The following ADGRD1 variants were observed in gnomAD, a reference collection of about 807,000 sequenced individuals.
ADGRD1 encodes G-protein coupled receptor 133.
In ADGRD1, 77 loss-of-function variants were observed where a neutral mutation model predicts 113.4. The ratio of observed to expected loss-of-function variants is 0.68; its 90% confidence interval spans 0.57 to 0.82. The LOEUF (loss-of-function observed/expected upper bound fraction) is 0.82. Ranked by LOEUF, ADGRD1 falls within the 40% of genes least tolerant of loss-of-function variation. The pLI, the probability that ADGRD1 is intolerant of heterozygous loss-of-function variation, is 0.00. For synonymous variants in ADGRD1, 474 were observed against 475.0 expected (o/e 1.00, Z 0.03); for missense variants, 1,036 against 1,139.1 (o/e 0.91, Z 1.30).
intron 15 of ADGRD1, among the ~76,000 whole-genome samples, chr12:131,098,325 G>A (rs965553014): frequency 3.9e-5 from 6 of 152,136 alleles, no homozygotes; most frequent in Non-Finnish European, 5.9e-5. Context: ...TCAGAGGCAC[G>A]GGCTGGGGCT....
chr12:131,098,709 C>A (rs73149906), intron 15 of ADGRD1, among the ~76,000 whole-genome samples: 1 of 152,208 alleles, frequency 6.6e-6, no homozygotes, highest in East Asian at 1.9e-4. Flanking sequence ...CCTCCGCCAC[C>A]GCCCCTGTGT....
At chr12:131,024,666 T>G (rs1879740630) in intron 13 of ADGRD1, 1 of 152,276 alleles carries the variant, frequency 6.6e-6, no homozygotes. Flanking sequence ...TGTGGTGGAC[T>G]GCGTCGTCTA....
intron 6 of ADGRD1, 103 bp from the exon 7 acceptor site, chr12:130,990,910 CT>C: frequency 1.2e-6 from 1 of 818,556 alleles, no homozygotes; most frequent in Non-Finnish European, 2.0e-6. Flanking sequence ...CTCAGACTCT[CT>C]TCCATGTGTC....
chr12:130,969,579 C>T (rs921844120), intron 3 of ADGRD1: 12 of 154,394 alleles, frequency 7.8e-5, no homozygotes, highest in African/African-American at 1.7e-4. Flanking sequence ...CAGAGGGGAC[C>T]GTCTAGTTGC....
chr12:131,026,496 G>A (rs1398401321), intron 13 of ADGRD1: 1 of 152,240 alleles, frequency 6.6e-6, no homozygotes, highest in Non-Finnish European at 1.5e-5. Flanking sequence ...TGACCGTGTG[G>A]AGCTCCAGCG....
chr12:131,063,526 T>C (rs1884500797), intron 13 of ADGRD1, among the ~76,000 whole-genome samples: 1 of 152,214 alleles, frequency 6.6e-6, no homozygotes, highest in South Asian at 2.1e-4. Flanking sequence ...AAAAAAACTC[T>C]CCTTCCTTCA....
chr12:131,103,488 A>G (rs1023187384), intron 15 of ADGRD1, among the ~76,000 whole-genome samples: 15 of 152,244 alleles, frequency 9.9e-5, no homozygotes, highest in African/African-American at 3.4e-4. Context: ...CTCCGCTGTG[A>G]ATCACAGTTG....
intron 13 of ADGRD1, among the ~76,000 whole-genome samples, chr12:131,073,791 G>A (rs1483306573): frequency 5.3e-5 from 8 of 152,174 alleles, no homozygotes; most frequent in South Asian, 2.1e-4. Flanking sequence ...GACTGCAAGA[G>A]CGAGTCGAGC....
intron 13 of ADGRD1, among the ~76,000 whole-genome samples, chr12:131,036,291 A>AGTGAGT (rs1881370167): frequency 6.7e-6 from 1 of 149,416 alleles, no homozygotes; most frequent in Non-Finnish European, 1.5e-5. Flanking sequence ...CACTCACTGC[A>AGTGAGT]CTGGGCCTCA....
chr12:131,024,286 C>G (rs1391567216), intron 13 of ADGRD1: 1 of 152,304 alleles, frequency 6.6e-6, no homozygotes, highest in Non-Finnish European at 1.5e-5. Flanking sequence ...AGGGCTGGAG[C>G]CTGGTGCTGG....
At chr12:131,076,965 A>G (rs1223764486) in intron 14 of ADGRD1, 91 bp downstream of exon 14, 8 of 1,020,702 alleles carry the variant, frequency 7.8e-6, no homozygotes, top group South Asian at 1.3e-5. Flanking sequence ...TGGGTCACCC[A>G]TTTCTGCAGC....
intron 20 of ADGRD1, among the ~76,000 whole-genome samples, chr12:131,130,468 G>A (rs954282398): frequency 7.2e-5 from 11 of 152,222 alleles, no homozygotes; most frequent in Non-Finnish European, 1.3e-4. Flanking sequence ...CACCAGGAGG[G>A]TCTGAAGCCT....
intron 13 of ADGRD1, among the ~76,000 whole-genome samples, chr12:131,020,249 GGGTGCTT>G (rs1214254233): frequency 5.7e-5 from 6 of 105,450 alleles, no homozygotes; most frequent in Non-Finnish European, 8.4e-5. Flanking sequence ...CCAGGGCAGG[GGGTGCTT>G]GAGGGAGATA....
intron 13 of ADGRD1, among the ~76,000 whole-genome samples, chr12:131,054,572 C>T (rs981269220): frequency 2.0e-5 from 3 of 152,170 alleles, no homozygotes; most frequent in Non-Finnish European, 4.4e-5. Flanking sequence ...CTATTCCTGG[C>T]CCTGTGTGAG....
intron 13 of ADGRD1, chr12:131,030,899 G>T (rs1028193448): frequency 6.6e-6 from 1 of 152,256 alleles, no homozygotes; most frequent in Non-Finnish European, 1.5e-5. Flanking sequence ...CGCATCTGCA[G>T]CCTGTTGTTC....
chr12:131,033,222 T>C (rs7978236), intron 13 of ADGRD1, among the ~76,000 whole-genome samples: 83,042 of 151,004 alleles, frequency 0.55, 23,387 homozygotes, highest in Non-Finnish European at 0.61. Context: ...CCCCTGTAGC[T>C]GTGTCCAGAT....
At chr12:131,112,285 C>A (rs1019942322) in intron 18 of ADGRD1, among the ~76,000 whole-genome samples, 1 of 152,168 alleles carries the variant, frequency 6.6e-6, no homozygotes, top group African/African-American at 2.4e-5. Context: ...AAGCTCTCTA[C>A]TTATGTTTGT....
intron 21 of ADGRD1, among the ~76,000 whole-genome samples, chr12:131,132,338 G>C (rs1352510721): frequency 6.6e-6 from 1 of 152,178 alleles, no homozygotes; most frequent in Non-Finnish European, 1.5e-5. Flanking sequence ...CTCTGGGAGG[G>C]ATTCCAGCCA....
rs1593266303 is a variant in ADGRD1 at position 130,966,604 on chromosome 12, G to A, written c.187+58G>A. The A allele has an allele frequency of 1.9e-6, 2 of 1,061,970 alleles. No homozygotes were observed. The highest frequency in any genetic ancestry group is 4.7e-5 in the East Asian group (2 of 42,278). The allele number at this position is 1,061,970 out of a possible 1,614,324, so 65.8% of individuals were successfully genotyped here. A position where few individuals can be genotyped will look rare whatever the true frequency, so the allele number is the denominator to read the frequency against. On this transcript the variant is annotated intron_variant, in intron 3 of 24. Coordinates refer to ENST00000261654, the MANE Select transcript of ADGRD1 (RefSeq NM_198827.5). This position sits in a 1 kb window ranked among gnomAD's most constrained non-coding sequence, Gnocchi z 4.6. ...CGCGGGAATCCCAGGGCCATCAGGA[G>A]GCGTGGGTGCTGAGAGTGGCTGGCC...
Sources: allele counts gnomAD v4.1 joint callset (sites outside exome capture counted in the v4.1 genomes callset), GRCh38; gene constraint gnomAD v4.1.1; non-coding constraint Gnocchi (gnomAD v3.1); transcripts MANE v1.5; gene names NCBI Gene and HGNC (gene_info 2026-07-23, HGNC 2026-07-21).